Variants in CLGN observed in about 807,000 individuals in gnomAD.
The protein encoded by CLGN is testis tissue sperm-binding protein Li 79P.
CLGN carries 62 observed loss-of-function variants against 79.1 expected under a neutral mutation model. The ratio of observed to expected loss-of-function variants is 0.78; its 90% confidence interval spans 0.64 to 0.97. The LOEUF is 0.97. CLGN is among the 50% of genes least tolerant of loss of function. The pLI, the probability that CLGN is intolerant of heterozygous loss-of-function variation, is 0.00. For missense variants in CLGN, 647 were observed against 715.5 expected, an observed-to-expected ratio of 0.90 and a Z score of 1.09; for synonymous variants, 225 against 224.7, an observed-to-expected ratio of 1.00 and a Z score of -0.01.
intron 2 of CLGN, 66 bp downstream of exon 2, chr4:140,412,869 A>G: frequency 7.6e-7 from 1 of 1,315,048 alleles, no homozygotes; most frequent in South Asian, 1.4e-5. Flanking sequence ...ATGAATCACC[A>G]GAGGTCAATC....
chr4:140,402,467 A>T (rs1442927034), intron 5 of CLGN, among the ~76,000 whole-genome samples: 1 of 152,158 alleles, frequency 6.6e-6, no homozygotes, highest in Non-Finnish European at 1.5e-5. Flanking sequence ...CCACAGCTAC[A>T]GCAAGATTTC....
chr4:140,408,628 C>G (rs983193987), intron 4 of CLGN, among the ~76,000 whole-genome samples: 1 of 151,904 alleles, frequency 6.6e-6, no homozygotes, highest in Non-Finnish European at 1.5e-5. Context: ...CAATGAGATA[C>G]TACGTTACCC....
At chr4:140,399,142 T>C in intron 7 of CLGN, 102 bp from the exon 8 acceptor site, 1 of 897,962 alleles carries the variant, frequency 1.1e-6, no homozygotes, top group African/African-American at 1.7e-5. Context: ...GGGTAAAGCT[T>C]TTTTCCCAAC....
chr4:140,390,542 T>A, intron 14 of CLGN, 86 bp downstream of exon 14: 1 of 830,070 alleles, frequency 1.2e-6, no homozygotes, highest in Non-Finnish European at 1.8e-6. Context: ...TGGCAAAAAT[T>A]CTTTCATAAA....
At chr4:140,396,280 C>T (rs2126616500) in intron 8 of CLGN, 75 bp from the exon 9 acceptor site, 2 of 1,169,470 alleles carry the variant, frequency 1.7e-6, no homozygotes, top group Non-Finnish European at 2.5e-6. Context: ...AAGAAGGTAC[C>T]ATAAAATTAT....
chr4:140,405,771 T>A (rs1729095209), intron 5 of CLGN, among the ~76,000 whole-genome samples, 171 bp downstream of exon 5: 1 of 152,190 alleles, frequency 6.6e-6, no homozygotes. Flanking sequence ...ACCTGCTTTT[T>A]ATTGAAAGCA....
At chr4:140,408,919 G>GTATATGTATATATATTTGTGTA (rs1231192374) in intron 4 of CLGN, among the ~76,000 whole-genome samples, 5 of 148,806 alleles carry the variant, frequency 3.4e-5, no homozygotes, top group African/African-American at 1.2e-4. Flanking sequence ...ACATATATGT[G>GTATATGTATATATATTTGTGTA]TATATGTATA....
intron 7 of CLGN, 150 bp from the exon 8 acceptor site, chr4:140,399,190 A>C (rs959267494): frequency 1.0e-5 from 6 of 580,992 alleles, no homozygotes; most frequent in Non-Finnish European, 1.6e-5. Flanking sequence ...GAACTAAAAC[A>C]TTCTAAAATC....
intron 1 of CLGN, among the ~76,000 whole-genome samples, chr4:140,421,099 G>A (rs1729460729): frequency 6.6e-6 from 1 of 152,020 alleles, no homozygotes; most frequent in Non-Finnish European, 1.5e-5. Flanking sequence ...ATAATGCCCT[G>A]AAGCTTCATC....
chr4:140,410,033 C>A (rs1729181742), intron 3 of CLGN, 138 bp from the exon 4 acceptor site: 2 of 554,764 alleles, frequency 3.6e-6, no homozygotes, highest in African/African-American at 2.0e-5. Flanking sequence ...TACTTAGATG[C>A]TAAATAAGGA....
chr4:140,402,214 G>A, intron 5 of CLGN, 148 bp from the exon 6 acceptor site: 1 of 450,742 alleles, frequency 2.2e-6, no homozygotes, highest in Non-Finnish European at 3.9e-6. Context: ...ACAACCTATA[G>A]GAAATAAGCA....
chr4:140,398,919 A>T lies in CLGN; in HGVS notation c.816T>A (p.Asp272Glu). ...TTTCATCCCATTCCTCAGGTTTTTT[A>T]TCATTGGGATCTTCAATTTCTTTGG... ...KPPKEIEDPN[D>E]KKPEEWDERA... Residue 272 changes from aspartate to glutamate, a missense_variant, in exon 8 of 15, where the codon GAT (aspartate) becomes GAA (glutamate). By Grantham distance (45) the Asp-to-Glu change is conservative. Coordinates refer to ENST00000325617, the MANE Select transcript of CLGN (RefSeq NM_004362.3). 6.2e-7 allele frequency: 1 copy of T among 1,613,938 alleles called. No individual in the cohort carries two copies. The highest frequency in any genetic ancestry group is 8.5e-7 in the Non-Finnish European group (1 of 1,179,938).
At chr4:140,390,798 A>C in intron 13 of CLGN, 70 bp from the exon 14 acceptor site, 1 of 937,054 alleles carries the variant, frequency 1.1e-6, no homozygotes, top group Non-Finnish European at 1.6e-6. Context: ...AGTATTAAAT[A>C]CAATAAATGG....
At chr4:140,396,890 T>TATACATATATATATATATATATAC (rs34215026) in intron 8 of CLGN, among the ~76,000 whole-genome samples, 1 of 51,506 alleles carries the variant, frequency 1.9e-5, no homozygotes, top group South Asian at 7.9e-4. Flanking sequence ...TATATATATA[T>TATACATATATATATATATATATAC]GTATATATAT....
chr4:140,396,895 ATATATATATATG>A (rs1224519344), intron 8 of CLGN, among the ~76,000 whole-genome samples: 7 of 69,742 alleles, frequency 1.0e-4, no homozygotes, highest in South Asian at 4.2e-4. Flanking sequence ...ATATATGTAT[ATATATATATATG>A]TATATATATA....
At chr4:140,393,556 T>C (rs1254991875) in intron 11 of CLGN, among the ~76,000 whole-genome samples, 4 of 152,170 alleles carry the variant, frequency 2.6e-5, no homozygotes, top group Non-Finnish European at 5.9e-5. Flanking sequence ...AGTCTTCTTC[T>C]ATGAACAGTA....
chr4:140,418,871 C>A lies in CLGN; in HGVS notation c.-9-5784G>T, dbSNP rs574303668. Among the ~76,000 whole-genome samples the A allele has an allele frequency of 6.6e-5, 10 of 152,228 alleles. No homozygotes were observed. The East Asian group carries it at 1.4e-3, about 21-fold the overall frequency. ...TTACTGGGTATATACCCAAAGGACT[C>A]TAAATCATGCTGCTATAAAGACTCA... is the stretch of plus-strand genomic sequence containing the variant. On this transcript the variant is annotated intron_variant, in intron 1 of 14. Coordinates refer to ENST00000325617, the MANE Select transcript of CLGN (RefSeq NM_004362.3).
In CLGN at chr4:140,412,999, T is replaced by C; in HGVS notation, c.80A>G (p.Glu27Gly). The C allele has an allele frequency of 6.2e-7, 1 of 1,613,512 alleles. No individual in the cohort carries two copies. Among genetic ancestry groups the C allele is most frequent in the Non-Finnish European group, 8.5e-7 (1 of 1,179,624 alleles). ...TGAATTTTCTTCAAAGTCTTCCGTC[T>C]CAACATCATCATCCATAAATTCTGC... ...INAEFMDDDV[E>G]TEDFEENSEE... Residue 27 changes from glutamate (E) to glycine (G), a missense_variant, in exon 2 of 15, where the codon GAG becomes GGG. Physicochemically the swap from Glu to Gly is moderately conservative, Grantham distance 98. Coordinates refer to ENST00000325617, the MANE Select transcript of CLGN (RefSeq NM_004362.3).
chr4:140,408,504 G>A (rs954711135), intron 4 of CLGN, among the ~76,000 whole-genome samples: 1 of 151,900 alleles, frequency 6.6e-6, no homozygotes, highest in African/African-American at 2.4e-5. Context: ...CCATCAGAAA[G>A]TAGGCAAATG....
Sources: gnomAD v4.1 joint callset for allele counts (sites outside exome capture counted in the v4.1 genomes callset) on GRCh38, gnomAD v4.1.1 for gene constraint, MANE v1.5 for transcripts, NCBI Gene and HGNC (gene_info 2026-07-23, HGNC 2026-07-21) for gene names.